Variants in ESR1 observed in about 807,000 individuals in gnomAD.
ESR1 encodes the protein estrogen receptor 1.
Under a neutral mutation model 52.7 loss-of-function variants are expected in ESR1, and 12 were observed. That is an observed-to-expected ratio of 0.23 (90% CI 0.15 to 0.37). ESR1 has a LOEUF of 0.37. Ranked by LOEUF, ESR1 falls within the 10% of genes least tolerant of loss-of-function variation. The pLI is 1.00. For missense variants in ESR1, 584 were observed against 779.7 expected, an observed-to-expected ratio of 0.75 and a Z score of 2.99; for synonymous variants, 305 against 316.8, an observed-to-expected ratio of 0.96 and a Z score of 0.39.
chr6:151,777,074 C>A (rs1786064608), intron 2 of ESR1, among the ~76,000 whole-genome samples: 1 of 151,448 alleles, frequency 6.6e-6, no homozygotes, highest in Non-Finnish European at 1.5e-5. Flanking sequence ...GCATAAAATG[C>A]CAGAGAAAGG....
At chr6:151,810,096 T>G (rs1778561941) in intron 1 of ESR1, among the ~76,000 whole-genome samples, 1 of 152,186 alleles carries the variant, frequency 6.6e-6, no homozygotes, top group Non-Finnish European at 1.5e-5. Flanking sequence ...GGTAGATTAT[T>G]TACTGCCTTG....
intron 6 of ESR1, chr6:152,122,121 ACAGAATGGGCCAAGGGCCCAGAATT>A (rs1349239679): frequency 2.4e-6 from 1 of 408,782 alleles, no homozygotes; most frequent in East Asian, 5.4e-5. Flanking sequence ...TTGGCTGTGC[ACAGAATGGGCCAAGGGCCCAGAATT>A]CATGAGTCCG....
chr6:151,731,137 T>C (rs1199373816), intron 2 of ESR1, among the ~76,000 whole-genome samples: 1 of 152,066 alleles, frequency 6.6e-6, no homozygotes, highest in Non-Finnish European at 1.5e-5. Context: ...GTGGATTACT[T>C]GAGGTCAGGA....
intron 1 of ESR1, among the ~76,000 whole-genome samples, chr6:151,674,746 T>C (rs1311982254): frequency 1.3e-5 from 2 of 152,340 alleles, no homozygotes; most frequent in African/African-American, 4.8e-5. Context: ...CGGTATTTCA[T>C]TGTGGTTTTG....
intron 2 of ESR1, among the ~76,000 whole-genome samples, chr6:151,722,484 G>A (rs1400499857): frequency 2.0e-5 from 3 of 152,216 alleles, no homozygotes; most frequent in South Asian, 2.1e-4. Context: ...ACTGTCCAAA[G>A]CTTTGTCCTT....
upstream of ESR1, among the ~76,000 whole-genome samples, chr6:151,689,604 T>C (rs935507416): frequency 4.6e-5 from 7 of 152,314 alleles, 1 homozygote; most frequent in South Asian, 1.4e-3. Context: ...TTTCTTTCTT[T>C]CCCATGCCAG....
chr6:151,774,559 A>G (rs7767143), intron 2 of ESR1, among the ~76,000 whole-genome samples: 40,679 of 152,104 alleles, frequency 0.27, 6,734 homozygotes, highest in East Asian at 0.45. Flanking sequence ...CTTGGCCCTC[A>G]CACAGTACTG....
At chr6:151,705,103 C>G (rs1307504194) in intron 2 of ESR1, among the ~76,000 whole-genome samples, 1 of 152,054 alleles carries the variant, frequency 6.6e-6, no homozygotes, top group Non-Finnish European at 1.5e-5. Flanking sequence ...GATATGGGGA[C>G]TCTGATCATC....
At chr6:151,721,872 C>T (rs549975109) in intron 2 of ESR1, among the ~76,000 whole-genome samples, 72 of 152,312 alleles carry the variant, frequency 4.7e-4, no homozygotes, top group Middle Eastern at 3.4e-3. Context: ...AACAAATGTA[C>T]GTTGCATTGT....
At chr6:151,766,512 AAC>A (rs1248374687) in intron 2 of ESR1, among the ~76,000 whole-genome samples, 2 of 152,168 alleles carry the variant, frequency 1.3e-5, no homozygotes, top group Non-Finnish European at 2.9e-5. Context: ...AATAAAAAAA[AAC>A]AAATAAAAAT....
intron 3 of ESR1, among the ~76,000 whole-genome samples, chr6:151,914,197 G>A (rs932559457): frequency 6.6e-6 from 1 of 150,922 alleles, no homozygotes; most frequent in South Asian, 2.1e-4. Flanking sequence ...CTGCAATTCA[G>A]GGCTCACAAT....
intron 3 of ESR1, among the ~76,000 whole-genome samples, chr6:151,937,238 TAA>T (rs1205363091): frequency 1.3e-5 from 2 of 152,086 alleles, no homozygotes; most frequent in Non-Finnish European, 2.9e-5. Context: ...AATCCCAATA[TAA>T]AAAATACATA....
chr6:151,787,911 A>T (rs960062657), intron 2 of ESR1, among the ~76,000 whole-genome samples: 6 of 152,072 alleles, frequency 3.9e-5, no homozygotes, highest in African/African-American at 1.4e-4. Context: ...AGAGGGCATC[A>T]TTTTCTTGTA....
At chr6:151,904,412 T>C (rs1797139866) in intron 3 of ESR1, among the ~76,000 whole-genome samples, 1 of 152,222 alleles carries the variant, frequency 6.6e-6, no homozygotes, top group Non-Finnish European at 1.5e-5. Context: ...GTTCTCAGTG[T>C]AACATCTTTA....
chr6:151,819,065 G>A (rs1780139024), intron 1 of ESR1, among the ~76,000 whole-genome samples: 2 of 152,090 alleles, frequency 1.3e-5, no homozygotes, highest in Non-Finnish European at 2.9e-5. Flanking sequence ...CTTCTTCATA[G>A]TGATCTTCAT....
chr6:152,065,221 T>C (rs1199426194), intron 6 of ESR1, among the ~76,000 whole-genome samples: 1 of 152,204 alleles, frequency 6.6e-6, no homozygotes, highest in Non-Finnish European at 1.5e-5. Flanking sequence ...CGTAATTAGA[T>C]TTAGAGAAAA....
chr6:151,836,287 G>A (rs141560611), intron 1 of ESR1, among the ~76,000 whole-genome samples: 2 of 152,168 alleles, frequency 1.3e-5, no homozygotes, highest in Non-Finnish European at 2.9e-5. Flanking sequence ...TAAAGAAAAA[G>A]AGATTTAATG....
chr6:151,685,831 G>A (rs1026493864), upstream of ESR1, among the ~76,000 whole-genome samples: 2 of 152,196 alleles, frequency 1.3e-5, no homozygotes, highest in East Asian at 1.9e-4. Flanking sequence ...ATATATGTGT[G>A]TATATAAAGA....
chr6:151,896,276 GTGTC>G (rs201268325), intron 3 of ESR1, among the ~76,000 whole-genome samples: 2,494 of 152,220 alleles, frequency 0.016, 39 homozygotes, highest in Non-Finnish European at 0.023. Flanking sequence ...TCTTCTTTGA[GTGTC>G]TGGTAGAATT....
Sources: gnomAD v4.1 joint callset for allele counts (sites outside exome capture counted in the v4.1 genomes callset) on GRCh38, gnomAD v4.1.1 for gene constraint, MANE v1.5 for transcripts, NCBI Gene and HGNC (gene_info 2026-07-23, HGNC 2026-07-21) for gene names.